DYNC1I1: variants seen among roughly 807,000 people sequenced by gnomAD.
DYNC1I1 encodes dynein cytoplasmic 1 intermediate chain 1.
Under a neutral mutation model 86.6 loss-of-function variants are expected in DYNC1I1, and 43 were observed. That is an observed-to-expected ratio of 0.50 (90% CI 0.39 to 0.64). The LOEUF is 0.64. Ranked by LOEUF, DYNC1I1 falls within the 30% of genes least tolerant of loss-of-function variation. The pLI is 0.00. For synonymous variants in DYNC1I1, 262 were observed against 283.7 expected, an observed-to-expected ratio of 0.92 and a Z score of 0.77; for missense variants, 604 against 788.8, an observed-to-expected ratio of 0.77 and a Z score of 2.81.
At chr7:95,961,201 A>G (rs1792858175) in intron 6 of DYNC1I1, among the ~76,000 whole-genome samples, 1 of 152,186 alleles carries the variant, frequency 6.6e-6, no homozygotes, top group Non-Finnish European at 1.5e-5. Flanking sequence ...CTATGACAAT[A>G]TTACTACCAC....
rs527473533 is a variant in DYNC1I1, at chr7:95,835,316, AT to A, written c.374+7202del. Among the ~76,000 whole-genome samples, 652 of 126,282 alleles carry A rather than the reference AT, an allele frequency of 5.2e-3. 3 individuals carry two copies. The highest frequency in any genetic ancestry group is 8.9e-3 in the Non-Finnish European group (539 of 60,888). 82.8% of individuals were successfully genotyped at this position (126,282 alleles called of 152,430 possible). ...ATTCTTAATCCTGAGTTCTAGTTTG[AT>A]TGCACTGTGGTCTGAGAGATAGTTT... On this transcript the variant is annotated intron_variant, in intron 5 of 16. Coordinates refer to ENST00000447467, the MANE Select transcript of DYNC1I1 (RefSeq NM_001135556.2).
chr7:96,028,065 T>G lies in DYNC1I1; in HGVS notation c.970-110T>G, dbSNP rs1377274533. The G allele has an allele frequency of 3.6e-6, 5 of 1,408,214 alleles. No homozygotes were observed. In the Admixed American group the frequency reaches 1.1e-4, roughly 30 times the overall value. 87.2% of individuals were successfully genotyped at this position (1,408,214 alleles called of 1,614,324 possible). The stretch of plus-strand genomic sequence containing the variant: ...CAGTCCCAGCTTTAAATTATTTTTT[T>G]GTTTTCCAGGATGTGTTGAGTTTAT... On this transcript the variant is annotated intron_variant, in intron 10 of 16. Transcript: ENST00000447467.
intron 4 of DYNC1I1, among the ~76,000 whole-genome samples, chr7:95,821,066 C>T (rs567407400): frequency 8.5e-5 from 13 of 152,236 alleles, no homozygotes; most frequent in Non-Finnish European, 1.8e-4. Context: ...TTAATAAAAA[C>T]GTAAAAACTG....
At position 95,812,558 on chromosome 7, in the gene DYNC1I1, C is replaced by A. The variant is rs990650889; in HGVS notation, c.224-689C>A. ...TCTTCTAGAGCTGCTGGAGGCAAGG[C>A]AAAACAAGTCCCAAAGACAGTAAAC... On this transcript the variant is annotated intron_variant, in intron 3 of 16. Coordinates refer to ENST00000447467, the MANE Select transcript of DYNC1I1 (RefSeq NM_001135556.2). Among the ~76,000 whole-genome samples the A allele has an allele frequency of 6.6e-5, 10 of 152,170 alleles. No homozygotes were observed. In the South Asian group the frequency reaches 2.1e-3, roughly 32 times the overall value.
intron 14 of DYNC1I1, among the ~76,000 whole-genome samples, chr7:96,040,589 G>A (rs187047578): frequency 1.5e-4 from 23 of 152,266 alleles, no homozygotes; most frequent in Non-Finnish European, 3.2e-4. Context: ...CATATGTTGA[G>A]CTAAAGGTGC....
At chr7:95,928,902 T>C (rs1791815516) in intron 6 of DYNC1I1, among the ~76,000 whole-genome samples, 1 of 152,170 alleles carries the variant, frequency 6.6e-6, no homozygotes. Flanking sequence ...TTCTTGTGCT[T>C]GTTAAGAGTA....
At chr7:95,899,873 T>C (rs1022881788) in intron 6 of DYNC1I1, among the ~76,000 whole-genome samples, 4 of 152,232 alleles carry the variant, frequency 2.6e-5, no homozygotes, top group Non-Finnish European at 5.9e-5. Flanking sequence ...ATCTGACTTC[T>C]ATTCTACCTC....
rs73397088 is a variant in DYNC1I1 at position 96,016,708 on chromosome 7, G to A, written c.970-11467G>A. 7.2e-3 allele frequency among the ~76,000 whole-genome samples: 1,095 copies of A among 152,254 alleles called. 12 individuals are homozygous for A. The highest frequency in any genetic ancestry group is 0.025 in the African/African-American group (1,035 of 41,558). On this transcript the variant is annotated intron_variant, in intron 10 of 16. Transcript: ENST00000447467. ...GCTTCTTTTATATGGCCCAGGAAGG[G>A]AACACAGATTAAGAAGCTGGCTCTT...
intron 6 of DYNC1I1, among the ~76,000 whole-genome samples, chr7:95,946,578 G>T (rs1489920851): frequency 1.3e-5 from 2 of 152,090 alleles, no homozygotes; most frequent in Non-Finnish European, 2.9e-5. Flanking sequence ...AGTCACCTAG[G>T]CTCTGAGCCT....
At chr7:95,988,624 A>G (rs1157376911) in intron 9 of DYNC1I1, among the ~76,000 whole-genome samples, 1 of 152,208 alleles carries the variant, frequency 6.6e-6, no homozygotes, top group Non-Finnish European at 1.5e-5. Context: ...CACATTCTTA[A>G]CAACAATGTT....
chr7:95,934,007 A>G (rs1002223899), intron 6 of DYNC1I1, among the ~76,000 whole-genome samples: 4 of 152,168 alleles, frequency 2.6e-5, no homozygotes, highest in African/African-American at 9.7e-5. Context: ...ACAGTAGTAT[A>G]GAAGAAAGTT....
intron 16 of DYNC1I1, among the ~76,000 whole-genome samples, chr7:96,090,980 G>T (rs1046734784): frequency 6.6e-6 from 1 of 152,124 alleles, no homozygotes; most frequent in Non-Finnish European, 1.5e-5. Flanking sequence ...TGTGAAGCGG[G>T]TATGCTTGGT....
Position 95,806,672 on chromosome 7 carries a change from T to A in DYNC1I1, c.108+1835T>A, listed in dbSNP as rs1336404404. 2.0e-5 allele frequency among the ~76,000 whole-genome samples: 3 copies of A among 152,198 alleles called. No individual in the cohort carries two copies. The East Asian group carries it at 5.8e-4, about 29-fold the overall frequency. ...GGCAATACAGAGTCCGAGTCTTCCATCCTCAAAGTTTCTGATTTGAGTGAT... is the reference window on the plus strand; with the variant it reads ...GGCAATACAGAGTCCGAGTCTTCCAACCTCAAAGTTTCTGATTTGAGTGAT... On this transcript the variant is annotated intron_variant, in intron 2 of 16. Coordinates refer to ENST00000447467, the MANE Select transcript of DYNC1I1 (RefSeq NM_001135556.2).
intron 6 of DYNC1I1, among the ~76,000 whole-genome samples, chr7:95,921,828 C>T (rs1304254044): frequency 6.6e-6 from 1 of 152,168 alleles, no homozygotes; most frequent in Non-Finnish European, 1.5e-5. Context: ...TAAATACTTG[C>T]TGTCTTATTC....
chr7:95,827,868 C>T (rs771631765), intron 4 of DYNC1I1, among the ~76,000 whole-genome samples, 189 bp from the exon 5 acceptor site: 8 of 152,010 alleles, frequency 5.3e-5, no homozygotes, highest in Non-Finnish European at 1.2e-4. Flanking sequence ...CAGATGTTTG[C>T]AGGAAAGGAT....
intron 6 of DYNC1I1, among the ~76,000 whole-genome samples, chr7:95,953,875 G>T (rs545809421): frequency 6.6e-6 from 1 of 152,290 alleles, no homozygotes; most frequent in East Asian, 1.9e-4. Flanking sequence ...TCAGAAATAA[G>T]TGCTTTACTT....
chr7:95,866,442 A>G (rs527363034), intron 5 of DYNC1I1, among the ~76,000 whole-genome samples: 3 of 152,336 alleles, frequency 2.0e-5, no homozygotes, highest in African/African-American at 7.2e-5. Flanking sequence ...GTTTTTAAGT[A>G]CATGGCCCTG....
chr7:95,908,357 A>G lies in DYNC1I1; in HGVS notation c.490+38359A>G, dbSNP rs927718419. 3.3e-5 allele frequency among the ~76,000 whole-genome samples: 5 copies of G among 152,316 alleles called. No individual in the cohort carries two copies. The East Asian group carries it at 5.8e-4, about 18-fold the overall frequency. On this transcript the variant is annotated intron_variant, in intron 6 of 16. Coordinates refer to ENST00000447467, the MANE Select transcript of DYNC1I1 (RefSeq NM_001135556.2). ...CTAAATAGCGAGCTGTAGATTTAAC[A>G]TCTATTGTGTTATACCCTAAATATC...
At chr7:95,937,347 A>G (rs1305144570) in intron 6 of DYNC1I1, among the ~76,000 whole-genome samples, 2 of 152,072 alleles carry the variant, frequency 1.3e-5, no homozygotes, top group Non-Finnish European at 2.9e-5. Context: ...TAGGTTAACT[A>G]TGTGAGGTGA....
Sources: allele counts gnomAD v4.1 joint callset (sites outside exome capture counted in the v4.1 genomes callset), GRCh38; gene constraint gnomAD v4.1.1; transcripts MANE v1.5; gene names NCBI Gene and HGNC (gene_info 2026-07-23, HGNC 2026-07-21).